TRAPPC10: variants seen among roughly 807,000 people sequenced by gnomAD.
TRAPPC10 encodes trafficking protein particle complex subunit 10, also known as TRAPP 130 kDa subunit.
Under a neutral mutation model 125.5 loss-of-function variants are expected in TRAPPC10, and 23 were observed. That is an observed-to-expected ratio of 0.18 (90% CI 0.13 to 0.26). The LOEUF is 0.26. TRAPPC10 is among the 10% of genes least tolerant of loss of function. The probability of loss-of-function intolerance (pLI) is 1.00; values close to 1 mark genes in which losing one functional copy is unlikely to be tolerated. For missense variants in TRAPPC10, 1,123 were observed against 1,308.4 expected, an observed-to-expected ratio of 0.86 and a Z score of 2.19; for synonymous variants, 509 against 518.0, an observed-to-expected ratio of 0.98 and a Z score of 0.24.
Position 44,032,384 on chromosome 21 carries a change from T to TC in TRAPPC10, c.149+212_149+213insC, listed in dbSNP as rs1467218449. ...TTATGGAATGCCATGGTTTTCTTTT[T>TC]TTTTTTTTTTTTTTTTGAGACAGAG... On this transcript the variant is annotated intron_variant, in intron 2 of 22. Transcript: ENST00000291574. 3.5e-3 allele frequency among the ~76,000 whole-genome samples: 512 copies of TC among 145,698 alleles called. 7 individuals are homozygous for TC. Among genetic ancestry groups the TC allele is most frequent in the African/African-American group, 0.012 (487 of 38,970 alleles).
intron 20 of TRAPPC10, 96 bp downstream of exon 20, chr21:44,094,329 C>T: frequency 2.5e-6 from 3 of 1,200,280 alleles, no homozygotes; most frequent in Non-Finnish European, 3.5e-6. Flanking sequence ...CAGCTTCTGT[C>T]AACATAATGA....
intron 4 of TRAPPC10, among the ~76,000 whole-genome samples, chr21:44,054,657 T>C (rs1244780808): frequency 6.6e-6 from 1 of 152,254 alleles, no homozygotes; most frequent in East Asian, 1.9e-4. Context: ...TAATTTCGTG[T>C]GTTTGACCTT....
chr21:44,029,397 C>G (rs567945448), intron 1 of TRAPPC10, among the ~76,000 whole-genome samples: 2 of 152,194 alleles, frequency 1.3e-5, no homozygotes, highest in Non-Finnish European at 2.9e-5. Flanking sequence ...CCCAGCTGCT[C>G]TTCACCATCT....
intron 7 of TRAPPC10, among the ~76,000 whole-genome samples, chr21:44,071,870 C>T (rs1601748660): frequency 6.6e-6 from 1 of 152,096 alleles, no homozygotes; most frequent in Non-Finnish European, 1.5e-5. Flanking sequence ...GAGGGGTGGC[C>T]GAGCTCACCT....
At chr21:44,052,527 A>G in intron 4 of TRAPPC10, 51 bp downstream of exon 4, 1 of 1,507,688 alleles carries the variant, frequency 6.6e-7, no homozygotes, top group Non-Finnish European at 9.0e-7. Flanking sequence ...GACATGATAC[A>G]GATTGCTGGC....
At chr21:44,095,654 C>T (rs1001922274) in intron 20 of TRAPPC10, among the ~76,000 whole-genome samples, 3 of 152,066 alleles carry the variant, frequency 2.0e-5, no homozygotes, top group African/African-American at 4.8e-5. Flanking sequence ...ACCTCCGCCC[C>T]TCTAGGTTTA....
chr21:44,053,652 C>T (rs2035374327), intron 4 of TRAPPC10, among the ~76,000 whole-genome samples: 1 of 152,124 alleles, frequency 6.6e-6, no homozygotes, highest in African/African-American at 2.4e-5. Context: ...AGTTACGAGG[C>T]TGGTAGAGGC....
chr21:44,012,672 C>A, intron 1 of TRAPPC10, 112 bp downstream of exon 1: 1 of 973,146 alleles, frequency 1.0e-6, no homozygotes, highest in Non-Finnish European at 1.5e-6. Context: ...CGGGCTGGGC[C>A]GCTTCCTGGA....
rs1311690465 is a variant in TRAPPC10 at position 44,020,143 on chromosome 21, CAG to C, written c.67+7586_67+7587del. Among the ~76,000 whole-genome samples the C allele has an allele frequency of 6.8e-5, 10 of 146,182 alleles. No homozygotes were observed. In the East Asian group the frequency reaches 2.0e-3, roughly 30 times the overall value. ...TTCTTTTCTTTTTTTTTTTTTGAGACAGAGTCTCGCTCTATTGCCCAGGCTGG... is the reference window on the plus strand; with the variant it reads ...TTCTTTTCTTTTTTTTTTTTTGAGACAGTCTCGCTCTATTGCCCAGGCTGG... On this transcript the variant is annotated intron_variant, in intron 1 of 22. Transcript: ENST00000291574.
intron 8 of TRAPPC10, among the ~76,000 whole-genome samples, chr21:44,074,792 T>C (rs999989115): frequency 2.0e-5 from 3 of 152,152 alleles, no homozygotes; most frequent in African/African-American, 7.2e-5. Flanking sequence ...AGGCTGGGCT[T>C]ATGCAGGTGC....
intron 7 of TRAPPC10, among the ~76,000 whole-genome samples, chr21:44,072,464 G>GTGTTTGTT (rs141795138): frequency 3.9e-5 from 6 of 152,194 alleles, no homozygotes; most frequent in African/African-American, 1.4e-4. Flanking sequence ...CTCCTAGGAG[G>GTGTTTGTT]TGTTTGTTTG....
In TRAPPC10 at chr21:44,032,170, A is replaced by G. The variant is rs768625898; in HGVS notation, c.147A>G (p.Arg49=). ...QQLPREPMEW[R]RSYGRAPKMI... is the part of the protein sequence containing the mutation. ...TTCCAAGAGAACCAATGGAATGGAG[A>G]AGGTATGAGTTGTGTGTTTTTTGGC... Residue 49 remains arginine (R), a splice_region_variant and synonymous_variant, in exon 2 of 23, where the codon AGA becomes AGG. Transcript: ENST00000291574. The G allele has an allele frequency of 6.2e-7, 1 of 1,613,414 alleles. No homozygotes were observed. The highest frequency in any genetic ancestry group is 8.5e-7 in the Non-Finnish European group (1 of 1,179,596).
Position 44,080,112 on chromosome 21 carries a change from C to A in TRAPPC10, c.1708C>A (p.Pro570Thr). The A allele has an allele frequency of 6.2e-7, 1 of 1,614,010 alleles. No individual in the cohort carries two copies. Among genetic ancestry groups the A allele is most frequent in the African/African-American group, 1.3e-5 (1 of 75,026 alleles). The change falls in exon 13 of 23, where the codon CCG becomes ACG. Residue 570 changes from proline to threonine, a missense_variant. Coordinates refer to ENST00000291574, the MANE Select transcript of TRAPPC10 (RefSeq NM_003274.5). ...GGAGATACTTGACTTTGCCAGCCAGCCGTCAGACAGCCCAGGTAAGACCAG... is the reference window on the plus strand; with the variant it reads ...GGAGATACTTGACTTTGCCAGCCAGACGTCAGACAGCCCAGGTAAGACCAG... The part of the protein sequence containing the change: ...CQEILDFASQ[P>T]SDSPGHKIVL...
intron 6 of TRAPPC10, chr21:44,062,963 C>T: frequency 7.7e-7 from 1 of 1,301,210 alleles, no homozygotes; most frequent in South Asian, 1.2e-5. Context: ...TGTAAGTAAA[C>T]CTCTGGGAGC....
chr21:44,080,751 C>A (rs1434326531), intron 13 of TRAPPC10, among the ~76,000 whole-genome samples: 2 of 151,988 alleles, frequency 1.3e-5, no homozygotes, highest in African/African-American at 4.8e-5. Context: ...GTTGGCCAGG[C>A]TGGTCTCAGA....
intron 7 of TRAPPC10, among the ~76,000 whole-genome samples, chr21:44,064,367 T>C (rs1222787343): frequency 6.6e-6 from 1 of 151,642 alleles, no homozygotes; most frequent in African/African-American, 2.4e-5. Context: ...AGTAAAACAT[T>C]TGCCCTTAGA....
chr21:44,076,721 G>A lies in TRAPPC10; in HGVS notation c.1377+93G>A, dbSNP rs965670568. ...CCTGTTGAGTTGGGAAGGAACTGGTGTGGGGGGCCCCTTCTTGTTGGTTTT... is the reference window on the plus strand; with the variant it reads ...CCTGTTGAGTTGGGAAGGAACTGGTATGGGGGGCCCCTTCTTGTTGGTTTT... On this transcript the variant is annotated intron_variant, in intron 10 of 22. Coordinates refer to ENST00000291574, the MANE Select transcript of TRAPPC10 (RefSeq NM_003274.5). 1.5e-5 allele frequency: 17 copies of A among 1,117,696 alleles called. No homozygotes were observed. The African/African-American group carries it at 2.0e-4, about 13-fold the overall frequency. The allele number at this position is 1,117,696 out of a possible 1,614,324, so 69.2% of individuals were successfully genotyped here.
intron 6 of TRAPPC10, among the ~76,000 whole-genome samples, chr21:44,060,762 G>A (rs572584132): frequency 2.7e-5 from 4 of 150,886 alleles, no homozygotes; most frequent in Admixed American, 2.6e-4. Flanking sequence ...CACCATACCT[G>A]GCTAATTTCT....
rs746107018 is a variant in TRAPPC10, at chr21:44,087,775, G to T, written c.2616G>T (p.Ala872=). The change falls in exon 17 of 23, where the codon GCG becomes GCT. Residue 872 remains alanine (A), a synonymous_variant. Coordinates refer to ENST00000291574, the MANE Select transcript of TRAPPC10 (RefSeq NM_003274.5). This position sits in a 1 kb window ranked among gnomAD's most constrained non-coding sequence, Gnocchi z 4.6. ...VTSISLPVAP[A]YHVIEFELEV... is the part of the protein sequence containing the mutation. Reference sequence around the variant, plus strand: ...GCATCAGTCTGCCTGTTGCGCCTGCGTACCACGTGATCGAATTTGAACTGG... The same window carrying T: ...GCATCAGTCTGCCTGTTGCGCCTGCTTACCACGTGATCGAATTTGAACTGG... 2 of 1,614,190 alleles carry T rather than the reference G, an allele frequency of 1.2e-6. No homozygotes were observed. The highest frequency in any genetic ancestry group is 1.1e-5 in the South Asian group (1 of 91,086).
Sources: allele counts gnomAD v4.1 joint callset (sites outside exome capture counted in the v4.1 genomes callset), GRCh38; gene constraint gnomAD v4.1.1; non-coding constraint Gnocchi (gnomAD v3.1); transcripts MANE v1.5; gene names NCBI Gene and HGNC (gene_info 2026-07-23, HGNC 2026-07-21).